The following TTN variants were observed in gnomAD, a reference collection of about 807,000 sequenced individuals.
TTN encodes the protein titin.
Under a neutral mutation model 3,223.0 loss-of-function variants are expected in TTN, and 1,525 were observed. That is an observed-to-expected ratio of 0.47 (90% confidence interval 0.45 to 0.49). The LOEUF (loss-of-function observed/expected upper bound fraction) is 0.49. TTN is among the 20% of genes least tolerant of loss of function. The pLI, the probability that TTN is intolerant of heterozygous loss-of-function variation, is 0.00. For missense variants in TTN, 40,786 were observed against 43,424.0 expected, an observed-to-expected ratio of 0.94 and a Z score of 5.40; for synonymous variants, 14,094 against 15,161.0, an observed-to-expected ratio of 0.93 and a Z score of 5.17.
At chr2:178,628,622 T>C (rs973078728) in intron 240 of TTN, 1 of 152,088 alleles carries the variant, frequency 6.6e-6, no homozygotes, top group Non-Finnish European at 1.5e-5. Context: ...TAAAGAATGT[T>C]AGTAAAAGCT....
chr2:178,612,169 A>G lies in TTN; in HGVS notation c.50249-7T>C. 5.0e-6 allele frequency: 8 copies of G among 1,606,890 alleles called. No homozygotes were observed. The highest frequency in any genetic ancestry group is 6.8e-6 in the Non-Finnish European group (8 of 1,177,374). On this transcript the variant is annotated splice_region_variant and splice_polypyrimidine_tract_variant and intron_variant, in intron 266 of 362. Transcript: ENST00000589042. Reference sequence around the variant, plus strand: ...TAGGGTGGTCCAGGAGTGGCTGAAAATAAAATAAACAATGATTAGGAAAAC... The same window carrying G: ...TAGGGTGGTCCAGGAGTGGCTGAAAGTAAAATAAACAATGATTAGGAAAAC...
chr2:178,785,813 T>C (rs1266858787), intron 14 of TTN, 35 bp downstream of exon 14: 1 of 1,614,032 alleles, frequency 6.2e-7, no homozygotes, highest in Non-Finnish European at 8.5e-7. Context: ...TGCTTTACCA[T>C]GAACAAGGTG....
chr2:178,719,199 C>T lies in TTN; in HGVS notation c.24191G>A (p.Gly8064Asp). The T allele has an allele frequency of 6.2e-7, 1 of 1,613,714 alleles. No individual in the cohort carries two copies. The highest frequency in any genetic ancestry group is 2.2e-5 in the East Asian group (1 of 44,874). The change falls in exon 83 of 363, where the codon GGT becomes GAT. Residue 8064 changes from glycine to aspartate, a missense_variant. By Grantham distance (94) the Gly-to-Asp change is moderately conservative (BLOSUM62 -1). Transcript: ENST00000589042. Reference sequence around the variant, plus strand: ...CAGGACTGCTGAGCACTCATCGGAACCAGCTACATTGGCAGCCACACACGT... The same window carrying T: ...CAGGACTGCTGAGCACTCATCGGAATCAGCTACATTGGCAGCCACACACGT... ...IYTCVAANVA[G>D]SDECSAVLTV...
chr2:178,785,730 T>C lies in TTN; in HGVS notation c.2383A>G (p.Thr795Ala). ...ACTAATCTTTCCGTTGTTAGATCTG[T>C]AGTTTTCTTGATCTGCATTGAAATG... ...MHISSQIKKTTDLTTERLVHV... is the reference protein window; with the variant it reads ...MHISSQIKKTADLTTERLVHV... The change falls in exon 15 of 363, where the codon ACA becomes GCA. Residue 795 changes from threonine (T) to alanine (A), a missense_variant. By Grantham distance (58) the Thr-to-Ala change is moderately conservative. Transcript: ENST00000589042. The C allele has an allele frequency of 6.2e-7, 1 of 1,614,218 alleles. No individual in the cohort carries two copies. Among genetic ancestry groups the C allele is most frequent in the Non-Finnish European group, 8.5e-7 (1 of 1,180,014 alleles).
intron 47 of TTN, chr2:178,747,067 C>A (rs1178315187): frequency 6.2e-7 from 1 of 1,612,118 alleles, no homozygotes; most frequent in Non-Finnish European, 8.5e-7. Context: ...CTAGTGCCTC[C>A]CCTGGGGGTG....
rs727503567 is a variant in TTN at position 178,574,811 on chromosome 2, C to T, written c.71321G>A (p.Trp23774Ter). Reference protein sequence around the residue: ...VEMRQTDSTTWVELATTVIRT... With the variant: ...VEMRQTDSTT ...TATAACGGTGGTTGCTAACTCAACC[C>T]AGGTAGTACTGTCAGTCTGCCGCAT... is the stretch of plus-strand genomic sequence containing the variant. Residue 23774 changes from tryptophan (W) to a stop codon, truncating the protein, a stop_gained, in exon 326 of 363, where the codon TGG becomes TAG. Coordinates refer to ENST00000589042, the MANE Select transcript of TTN (RefSeq NM_001267550.2). LOFTEE classifies it high-confidence loss of function. 2 of 1,612,204 alleles carry T rather than the reference C, an allele frequency of 1.2e-6. No homozygotes were observed. The highest frequency in any genetic ancestry group is 8.5e-7 in the Non-Finnish European group (1 of 1,178,902).
chr2:178,608,752 A>C lies in TTN; in HGVS notation c.52259T>G (p.Val17420Gly). Reference sequence around the variant, plus strand: ...GCAATGTCTAAGTGTTGAAGTGACAACAATCCATTCTGAGTCGGGTTTTGT... The same window carrying C: ...GCAATGTCTAAGTGTTGAAGTGACACCAATCCATTCTGAGTCGGGTTTTGT... ...DKTKPDSEWI[V>G]VTSTLRHCKY... Residue 17420 changes from valine (V) to glycine (G), a missense_variant, in exon 274 of 363, where the codon GTT becomes GGT. Val to Gly is a moderately radical substitution (Grantham distance 109). Coordinates refer to ENST00000589042, the MANE Select transcript of TTN (RefSeq NM_001267550.2). 1.2e-6 allele frequency: 2 copies of C among 1,612,664 alleles called. No homozygotes were observed. The highest frequency in any genetic ancestry group is 1.7e-6 in the Non-Finnish European group (2 of 1,179,242).
intron 308 of TTN, among the ~76,000 whole-genome samples, chr2:178,585,874 C>T (rs2048835014): frequency 6.6e-6 from 1 of 152,050 alleles, no homozygotes; most frequent in African/African-American, 2.4e-5. Context: ...CAAGTCTTTG[C>T]TATTGTGAAC....
Position 178,795,135 on chromosome 2 carries a change from A to G in TTN, c.1032T>C (p.Pro344=). 2 of 1,614,112 alleles carry G rather than the reference A, an allele frequency of 1.2e-6. No homozygotes were observed. The highest frequency in any genetic ancestry group is 1.7e-6 in the Non-Finnish European group (2 of 1,180,010). ...TVATGPEVPP[P]WKQEGYVASS... ...AGGCCACGTAGCCCTCTTGCTTCCA[A>G]GGGGGAGGCACTTCAGGACCTGTGG... Residue 344 remains proline, a synonymous_variant, in exon 7 of 363, where the codon CCT becomes CCC. Transcript: ENST00000589042.
chr2:178,546,271 G>A lies in TTN; in HGVS notation c.95060C>T (p.Thr31687Ile), dbSNP rs1471246687. The A allele has an allele frequency of 2.5e-6, 4 of 1,613,830 alleles. No individual in the cohort carries two copies. Among genetic ancestry groups the A allele is most frequent in the Admixed American group, 1.7e-5 (1 of 60,024 alleles). Residue 31687 changes from threonine to isoleucine, a missense_variant, in exon 342 of 363, where the codon ACT becomes ATT. Physicochemically the swap from Thr to Ile is moderately conservative, Grantham distance 89. Transcript: ENST00000589042. ...FCDRSDSGKY[T>I]LTVKNASGTK... is the part of the protein sequence containing the mutation. ...CCCGCTGGCATTTTTCACTGTTAAA[G>A]TGTATTTTCCACTGTCACTTCTGTC...
At position 178,604,905 on chromosome 2, in the gene TTN, A is replaced by G; in HGVS notation, c.54191-7T>C. The G allele has an allele frequency of 6.2e-7, 1 of 1,609,314 alleles. No homozygotes were observed. The highest frequency in any genetic ancestry group is 8.5e-7 in the Non-Finnish European group (1 of 1,177,460). ...CTTGGTGGGGATGGGCGGTCTGGAA[A>G]GGAATCAACAGAGAATATTGAGAAG... On this transcript the variant is annotated splice_polypyrimidine_tract_variant and splice_region_variant and intron_variant, in intron 280 of 362. Transcript: ENST00000589042.
rs757392311 is a variant in TTN at position 178,605,050 on chromosome 2, A to G, written c.54127T>C (p.Tyr18043His). ...AGGCGATTGGAAGCAGTAACTGTGTAAGTGCCTTTGTCCTCCCGGACCGCT... is the reference window on the plus strand; with the variant it reads ...AGGCGATTGGAAGCAGTAACTGTGTGAGTGCCTTTGTCCTCCCGGACCGCT... ...PKAVREDKGT[Y>H]TVTASNRLGS... is the part of the protein sequence containing the mutation. Residue 18043 changes from tyrosine (Y) to histidine (H), a missense_variant, in exon 280 of 363, where the codon TAC becomes CAC. Coordinates refer to ENST00000589042, the MANE Select transcript of TTN (RefSeq NM_001267550.2). 6.2e-7 allele frequency: 1 copy of G among 1,611,914 alleles called. No homozygotes were observed.
intron 163 of TTN, among the ~76,000 whole-genome samples, chr2:178,666,486 T>C (rs2065950328): frequency 6.6e-6 from 1 of 152,166 alleles, no homozygotes; most frequent in Admixed American, 6.6e-5. Flanking sequence ...TCTAATCTTG[T>C]AGAGATATTA....
At position 178,740,014 on chromosome 2, in the gene TTN, C is replaced by G; in HGVS notation, c.13219G>C (p.Val4407Leu). The G allele has an allele frequency of 6.2e-7, 1 of 1,613,880 alleles. No homozygotes were observed. The highest frequency in any genetic ancestry group is 8.5e-7 in the Non-Finnish European group (1 of 1,179,832). ...IQICRALQAA[V>L]ASEQPGLFSE... ...AAAAGACCTGGCTGCTCGCTGGCCA[C>G]GGCTGCTTGCAAAGCCCGGCAGATT... The change falls in exon 48 of 363, where the codon GTG (valine) becomes CTG (leucine). Residue 4407 changes from valine (V) to leucine (L), a missense_variant. Physicochemically the swap from Val to Leu is conservative, Grantham distance 32 (BLOSUM62 1). Coordinates refer to ENST00000589042, the MANE Select transcript of TTN (RefSeq NM_001267550.2).
In TTN at chr2:178,541,413, G is replaced by GTCACAGGTACTTTATTT. The variant is rs2154141588; in HGVS notation, c.97647_97663dup (p.Thr32555LysfsTer6). On this transcript the variant is annotated stop_gained and frameshift_variant, in exon 350 of 363. Coordinates refer to ENST00000589042, the MANE Select transcript of TTN (RefSeq NM_001267550.2). LOFTEE classifies it high-confidence loss of function. ...GCCAGTGGAGCGGTACCGTGTCATT[G>GTCACAGGTACTTTATTT]TCACAGGTACTTTATTTACACGGAC... 3 of 1,613,172 alleles carry GTCACAGGTACTTTATTT rather than the reference G, an allele frequency of 1.9e-6. No homozygotes were observed. Among genetic ancestry groups the GTCACAGGTACTTTATTT allele is most frequent in the Non-Finnish European group, 1.7e-6 (2 of 1,179,502 alleles).
At chr2:178,769,051 GT>G in intron 37 of TTN, 118 bp from the exon 38 acceptor site, 1 of 1,162,322 alleles carries the variant, frequency 8.6e-7, no homozygotes, top group Non-Finnish European at 1.2e-6. Context: ...GGAGATTACA[GT>G]TTAGAGATAT....
At chr2:178,583,517 TCCTTAGGTGTATATTTAG>T in intron 312 of TTN, 72 bp downstream of exon 312, 1 of 1,313,882 alleles carries the variant, frequency 7.6e-7, no homozygotes, top group African/African-American at 1.5e-5. Context: ...TTTCCTTTTT[TCCTTAGGTGTATATTTAG>T]TTTTTTATTA....
At chr2:178,707,050 G>T in intron 100 of TTN, 96 bp from the exon 101 acceptor site, 3 of 1,057,066 alleles carry the variant, frequency 2.8e-6, no homozygotes, top group South Asian at 3.3e-5. Flanking sequence ...TTGGCAGTTT[G>T]ATAAGTAAGT....
intron 3 of TTN, among the ~76,000 whole-genome samples, chr2:178,801,373 T>C (rs1250150722): frequency 1.3e-5 from 2 of 152,216 alleles, no homozygotes; most frequent in African/African-American, 4.8e-5. Flanking sequence ...GCCAACCCTG[T>C]GCATTTTCCA....
Sources: gnomAD v4.1 joint callset for allele counts (sites outside exome capture counted in the v4.1 genomes callset) on GRCh38, gnomAD v4.1.1 for gene constraint, MANE v1.5 for transcripts, NCBI Gene and HGNC (gene_info 2026-07-23, HGNC 2026-07-21) for gene names.